Variants in UBR3 observed in about 807,000 individuals in gnomAD.
UBR3 encodes the protein E3 ubiquitin-protein ligase UBR3.
Under a neutral mutation model 243.2 loss-of-function variants are expected in UBR3, and 85 were observed. That is an observed-to-expected ratio of 0.35 (90% CI 0.29 to 0.42). UBR3 has a LOEUF of 0.42. Among genes scored for constraint, UBR3 ranks in the 10% least tolerant of loss-of-function variants. The pLI, the probability that UBR3 is intolerant of heterozygous loss-of-function variation, is 1.00. For missense variants in UBR3, 1,686 were observed against 2,300.8 expected (o/e 0.73, Z 5.47); for synonymous variants, 748 against 799.8 (o/e 0.94, Z 1.09).
In UBR3 at chr2:169,828,047, G is replaced by T; in HGVS notation, c.540G>T (p.Glu180Asp). 7.2e-7 allele frequency: 1 copy of T among 1,385,292 alleles called. No homozygotes were observed. Among genetic ancestry groups the T allele is most frequent in the Non-Finnish European group, 9.4e-7 (1 of 1,064,188 alleles). The allele number at this position is 1,385,292 out of a possible 1,614,324, so 85.8% of individuals were successfully genotyped here. ...CDCGDSNVMR[E>D]SGFCKRHQIK... ...GCGGGGACAGCAACGTGATGCGGGA[G>T]AGCGGGTGAGTGGAGCCCTCCCCGC... Residue 180 changes from glutamate (E) to aspartate (D), a missense_variant, in exon 1 of 39, where the codon GAG becomes GAT. Around this residue, in one of 8 missense-constraint regions of UBR3, gnomAD observed 145 missense variants for 243.8 expected, o/e 0.59. Coordinates refer to ENST00000272793, the MANE Select transcript of UBR3 (RefSeq NM_172070.4).
At chr2:170,055,661 A>G (rs993633736) in intron 33 of UBR3, 77 bp downstream of exon 33, 12 of 1,532,954 alleles carry the variant, frequency 7.8e-6, no homozygotes, top group Middle Eastern at 1.7e-4. Flanking sequence ...GAATAAGAGT[A>G]GGTGTTACAA....
intron 19 of UBR3, among the ~76,000 whole-genome samples, chr2:169,939,048 AT>A: frequency 6.6e-6 from 1 of 151,742 alleles, no homozygotes; most frequent in South Asian, 2.1e-4. Context: ...AGAAATCTTT[AT>A]TTTACGTTTA....
At chr2:169,903,861 AAAT>A (rs1192693626) in intron 8 of UBR3, among the ~76,000 whole-genome samples, 1 of 152,144 alleles carries the variant, frequency 6.6e-6, no homozygotes, top group Non-Finnish European at 1.5e-5. Context: ...ATCTTTGAAA[AAAT>A]ATATATATAC....
chr2:169,841,170 C>T (rs760456610), intron 1 of UBR3, among the ~76,000 whole-genome samples: 1 of 152,154 alleles, frequency 6.6e-6, no homozygotes, highest in Admixed American at 6.5e-5. Flanking sequence ...TTTTCCAAAT[C>T]TTTACATTCT....
intron 32 of UBR3, among the ~76,000 whole-genome samples, chr2:170,047,883 T>G (rs1199030796): frequency 1.3e-5 from 2 of 152,234 alleles, no homozygotes; most frequent in African/African-American, 4.8e-5. Context: ...AGTCATTTAG[T>G]GGCCATGTGG....
rs917129193 is a variant in UBR3, at chr2:169,887,839, C to T, written c.1039-3326C>T. On this transcript the variant is annotated intron_variant, in intron 5 of 38. Coordinates refer to ENST00000272793, the MANE Select transcript of UBR3 (RefSeq NM_172070.4). ...TTGCCCAGGCTGGAGTGCAATGGCA[C>T]GATCTTGGCTCACTGCAACCTCCCC... 9.3e-5 allele frequency among the ~76,000 whole-genome samples: 14 copies of T among 151,348 alleles called. No homozygotes were observed. The South Asian group carries it at 1.9e-3, about 20-fold the overall frequency.
Position 169,927,397 on chromosome 2 carries a change from C to T in UBR3, c.2416C>T (p.Leu806=). Residue 806 remains leucine (L), a synonymous_variant, in exon 17 of 39, where the codon CTG becomes TTG. Coordinates refer to ENST00000272793, the MANE Select transcript of UBR3 (RefSeq NM_172070.4). ...CMNDRTHSSL[L]DLIPENPNPK... ...GAATGACAGGACACACAGTTCATTG[C>T]TGGACCTCATATCCTTTTAAAATTT... 1.3e-6 allele frequency: 2 copies of T among 1,547,996 alleles called. No homozygotes were observed. Among genetic ancestry groups the T allele is most frequent in the Non-Finnish European group, 1.7e-6 (2 of 1,145,314 alleles).
At chr2:169,919,931 A>G (rs1235686070) in intron 11 of UBR3, among the ~76,000 whole-genome samples, 3 of 152,062 alleles carry the variant, frequency 2.0e-5, no homozygotes, top group African/African-American at 7.2e-5. Flanking sequence ...AACTAGAAAT[A>G]CCATTTGACC....
intron 28 of UBR3, 93 bp downstream of exon 28, chr2:170,007,283 T>C (rs1477985892): frequency 1.5e-6 from 2 of 1,332,354 alleles, no homozygotes; most frequent in African/African-American, 1.5e-5. Context: ...CTCTGGACTT[T>C]TACATATTTA....
At chr2:169,828,429 G>A (rs1347981066) in intron 1 of UBR3, among the ~76,000 whole-genome samples, 1 of 152,152 alleles carries the variant, frequency 6.6e-6, no homozygotes, top group Non-Finnish European at 1.5e-5. Context: ...CCTGGTTCTT[G>A]GGAAGAGACT....
chr2:169,954,895 A>C (rs1297693818), intron 23 of UBR3, among the ~76,000 whole-genome samples: 1 of 152,120 alleles, frequency 6.6e-6, no homozygotes, highest in Non-Finnish European at 1.5e-5. Flanking sequence ...TATAGCAGAA[A>C]GATCCAGTTC....
Position 169,875,859 on chromosome 2 carries a change from T to G in UBR3, c.754T>G (p.Leu252Val). ...GCTTTTGGAACCTCAAATTTCCTTT[T>G]TAGAAGACCTGACTAAAATGGGAGG... is the stretch of plus-strand genomic sequence containing the variant. ...LQLLEPQISF[L>V]EDLTKMGGAM... The change falls in exon 3 of 39, where the codon TTA becomes GTA. Residue 252 changes from leucine to valine, a missense_variant. Around this residue, in one of 8 missense-constraint regions of UBR3, gnomAD observed 200 missense variants for 231.6 expected, o/e 0.86. Coordinates refer to ENST00000272793, the MANE Select transcript of UBR3 (RefSeq NM_172070.4). The G allele has an allele frequency of 1.3e-6, 2 of 1,550,328 alleles. No individual in the cohort carries two copies. The highest frequency in any genetic ancestry group is 1.7e-6 in the Non-Finnish European group (2 of 1,146,248).
At chr2:170,067,552 A>G (rs1324054171) in intron 35 of UBR3, among the ~76,000 whole-genome samples, 1 of 152,142 alleles carries the variant, frequency 6.6e-6, no homozygotes, top group Non-Finnish European at 1.5e-5. Flanking sequence ...CAGAATATAT[A>G]TTATATATAT....
At chr2:169,872,034 G>A (rs2083455433) in intron 1 of UBR3, among the ~76,000 whole-genome samples, 1 of 151,918 alleles carries the variant, frequency 6.6e-6, no homozygotes, top group Non-Finnish European at 1.5e-5. Flanking sequence ...AATAGTATGG[G>A]TCTTTTCTTG....
At chr2:169,923,046 C>G (rs2085766619) in intron 11 of UBR3, among the ~76,000 whole-genome samples, 1 of 152,098 alleles carries the variant, frequency 6.6e-6, no homozygotes, top group South Asian at 2.1e-4. Flanking sequence ...CTTTTCAGTT[C>G]TTAACTCATT....
In UBR3 at chr2:170,081,913, C is replaced by G. The variant is rs564460938; in HGVS notation, c.*70C>G. The G allele has an allele frequency of 1.4e-5, 16 of 1,152,994 alleles. No individual in the cohort carries two copies. In the African/African-American group the frequency reaches 2.4e-4, roughly 17 times the overall value. 71.4% of individuals were successfully genotyped at this position (1,152,994 alleles called of 1,614,324 possible). ...TTTATTTTTCAACAATAAGCTTTAA[C>G]TTAATTTGGGGGATTAACACTTTTG... On this transcript the variant is annotated 3_prime_UTR_variant, in exon 39 of 39. Transcript: ENST00000272793.
At chr2:169,903,177 A>C (rs1242873070) in intron 8 of UBR3, among the ~76,000 whole-genome samples, 3 of 152,250 alleles carry the variant, frequency 2.0e-5, no homozygotes, top group Non-Finnish European at 4.4e-5. Context: ...GGAAAGTACC[A>C]GTTTGAGTAA....
intron 1 of UBR3, among the ~76,000 whole-genome samples, chr2:169,871,697 G>A (rs528114422): frequency 1.9e-4 from 27 of 140,458 alleles, no homozygotes; most frequent in African/African-American, 3.5e-4. Context: ...GCAATGAGCC[G>A]AGATTGTGCC....
intron 27 of UBR3, 121 bp downstream of exon 27, chr2:170,001,535 C>T: frequency 1.6e-6 from 1 of 621,256 alleles, no homozygotes; most frequent in Middle Eastern, 4.4e-4. Context: ...ATCGTATAAA[C>T]TATCCAGTCT....
Sources: allele counts gnomAD v4.1 joint callset (sites outside exome capture counted in the v4.1 genomes callset), GRCh38; gene constraint gnomAD v4.1.1; regional missense constraint gnomAD v4.1.1; transcripts MANE v1.5; gene names NCBI Gene and HGNC (gene_info 2026-07-23, HGNC 2026-07-21).